Variants in ERLIN2 observed in about 807,000 individuals in gnomAD.
The protein encoded by ERLIN2 is ER lipid raft associated 2, also known as erlin-2.
A neutral mutation model predicts 41.5 loss-of-function variants in ERLIN2; 22 were observed. That is an observed-to-expected ratio of 0.53 (90% CI 0.38 to 0.76). The LOEUF (loss-of-function observed/expected upper bound fraction) is 0.76, where lower values mean the gene tolerates loss of function less well. Ranked by LOEUF, ERLIN2 falls within the 30% of genes least tolerant of loss-of-function variation. The probability of loss-of-function intolerance (pLI) is 0.00; values close to 1 mark genes in which losing one functional copy is unlikely to be tolerated. For synonymous variants in ERLIN2, 149 were observed against 150.9 expected (o/e 0.99, Z 0.09); for missense variants, 247 against 414.3 (o/e 0.60, Z 3.51).
intron 6 of ERLIN2, 137 bp from the exon 7 acceptor site, chr8:37,749,422 T>C: frequency 1.4e-6 from 1 of 724,274 alleles, no homozygotes; most frequent in Non-Finnish European, 2.5e-6. Context: ...TCTTTAGATT[T>C]GTGGGCTTTG....
At chr8:37,749,907 C>CTGGGATGGGACGAGGTGGGA in intron 8 of ERLIN2, 55 bp downstream of exon 8, 1 of 1,478,234 alleles carries the variant, frequency 6.8e-7, no homozygotes, top group Non-Finnish European at 9.5e-7. Context: ...CCTCCCACCT[C>CTGGGATGGGACGAGGTGGGA]GTCCCATCCC....
intron 11 of ERLIN2, 138 bp from the exon 12 acceptor site, chr8:37,753,777 G>A (rs149691871): frequency 2.4e-6 from 2 of 819,726 alleles, no homozygotes; most frequent in East Asian, 2.6e-5. Flanking sequence ...TGAGATGACT[G>A]TCTCTTACAG....
chr8:37,736,792 C>T (rs1053121024), intron 1 of ERLIN2, 114 bp downstream of exon 1: 39 of 985,858 alleles, frequency 4.0e-5, no homozygotes, highest in Non-Finnish European at 4.5e-5. Flanking sequence ...CCTCAGCCGG[C>T]CCGCTCCTGG....
At chr8:37,750,512 C>G in intron 9 of ERLIN2, 26 bp downstream of exon 9, 2 of 1,586,862 alleles carry the variant, frequency 1.3e-6, no homozygotes, top group Admixed American at 1.7e-5. Flanking sequence ...TGTGATCCCC[C>G]TTTCCAGGCA....
intron 6 of ERLIN2, chr8:37,747,732 C>T (rs750634654): frequency 6.3e-7 from 1 of 1,591,582 alleles, no homozygotes; most frequent in Admixed American, 1.7e-5. Flanking sequence ...TTGCACATTT[C>T]TTTCTGTACT....
At chr8:37,751,207 A>G (rs1227066360) in intron 9 of ERLIN2, among the ~76,000 whole-genome samples, 1 of 152,242 alleles carries the variant, frequency 6.6e-6, no homozygotes, top group Non-Finnish European at 1.5e-5. Context: ...CCAAGGGCAT[A>G]TGGCAAGTAA....
intron 8 of ERLIN2, 123 bp from the exon 9 acceptor site, chr8:37,750,272 A>G: frequency 1.3e-6 from 1 of 758,322 alleles, no homozygotes; most frequent in South Asian, 1.5e-5. Flanking sequence ...GCCATCGAAC[A>G]GCCTTCCAGG....
intron 4 of ERLIN2, 57 bp from the exon 5 acceptor site, chr8:37,744,298 G>T (rs1563313045): frequency 1.4e-6 from 2 of 1,396,152 alleles, no homozygotes; most frequent in African/African-American, 2.8e-5. Flanking sequence ...CACCCTGGGG[G>T]ACTGCACCAT....
At chr8:37,737,815 C>G in intron 1 of ERLIN2, 93 bp from the exon 2 acceptor site, 2 of 1,498,344 alleles carry the variant, frequency 1.3e-6, no homozygotes, top group Non-Finnish European at 1.8e-6. Flanking sequence ...ATGAGTCACT[C>G]GCAGGGAGCT....
Position 37,741,758 on chromosome 8 carries a change from T to C in ERLIN2, c.190-14T>C, listed in dbSNP as rs779600729. The C allele has an allele frequency of 6.2e-7, 1 of 1,609,628 alleles. No individual in the cohort carries two copies. On this transcript the variant is annotated splice_polypyrimidine_tract_variant and intron_variant, in intron 3 of 11. Transcript: ENST00000519638. This position sits in a 1 kb window ranked among gnomAD's most constrained non-coding sequence, Gnocchi z 4.8. ...TGCCCATCTTCTAGCACTTTATGTT[T>C]CCTCTGTTTCCAGACCACACTCCAG...
intron 9 of ERLIN2, among the ~76,000 whole-genome samples, chr8:37,751,361 G>A (rs951913963): frequency 2.0e-5 from 3 of 152,234 alleles, no homozygotes; most frequent in Admixed American, 2.0e-4. Context: ...CATTCTTACA[G>A]AATATTCCTT....
intron 1 of ERLIN2, chr8:37,737,232 C>T (rs923228852): frequency 6.4e-6 from 1 of 157,050 alleles, no homozygotes; most frequent in Non-Finnish European, 1.4e-5. Context: ...CATTGCCTTT[C>T]TCTCTGACCA....
At chr8:37,751,176 CAG>C (rs1449659696) in intron 9 of ERLIN2, among the ~76,000 whole-genome samples, 2 of 152,186 alleles carry the variant, frequency 1.3e-5, no homozygotes, top group East Asian at 1.9e-4. Flanking sequence ...AACCAAAGCA[CAG>C]AGGGGTAAAA....
At position 37,741,872 on chromosome 8, in the gene ERLIN2, T is replaced by G. The variant is rs112564516; in HGVS notation, c.236+54T>G. The G allele has an allele frequency of 3.2e-5, 45 of 1,412,418 alleles. No homozygotes were observed. In the Admixed American group the frequency reaches 7.0e-4, roughly 22 times the overall value. The allele number at this position is 1,412,418 out of a possible 1,614,324, so 87.5% of individuals were successfully genotyped here. A position where few individuals can be genotyped will look rare whatever the true frequency, so the allele number is the denominator to read the frequency against. On this transcript the variant is annotated intron_variant, in intron 4 of 11. Coordinates refer to ENST00000519638, the MANE Select transcript of ERLIN2 (RefSeq NM_007175.8). This position sits in a 1 kb window ranked among gnomAD's most constrained non-coding sequence, Gnocchi z 4.8. The stretch of plus-strand genomic sequence containing the variant: ...CCCAAATAAGTCAGAGAAAAGGCTG[T>G]CTGGCTGGTTGCAGGAAGAGACAGT...
chr8:37,738,095 T>C, intron 2 of ERLIN2, 66 bp downstream of exon 2: 1 of 1,581,754 alleles, frequency 6.3e-7, no homozygotes, highest in Non-Finnish European at 8.7e-7. Flanking sequence ...GGTCATTGCT[T>C]TCCTAGCAGA....
At chr8:37,743,965 C>T (rs1802946752) in intron 4 of ERLIN2, among the ~76,000 whole-genome samples, 1 of 152,166 alleles carries the variant, frequency 6.6e-6, no homozygotes, top group Admixed American at 6.5e-5. Flanking sequence ...ATAGTGAAGA[C>T]AGTTTAAGAA....
intron 2 of ERLIN2, 135 bp from the exon 3 acceptor site, chr8:37,740,230 T>C: frequency 1.4e-6 from 1 of 724,464 alleles, no homozygotes; most frequent in Non-Finnish European, 2.6e-6. Context: ...AAGGGATCTG[T>C]AGCCATGGCT....
intron 6 of ERLIN2, chr8:37,747,371 T>G (rs1444296404): frequency 6.9e-7 from 1 of 1,444,278 alleles, no homozygotes; most frequent in Non-Finnish European, 9.8e-7. Context: ...GTCCCCTTCA[T>G]TTTCACTTTC....
intron 6 of ERLIN2, 28 bp from the exon 7 acceptor site, chr8:37,749,531 C>T: frequency 6.4e-7 from 1 of 1,568,604 alleles, no homozygotes; most frequent in Non-Finnish European, 8.8e-7. Context: ...GTAACAACTC[C>T]TTTTTCTCCA....
Sources: allele counts gnomAD v4.1 joint callset (sites outside exome capture counted in the v4.1 genomes callset), GRCh38; gene constraint gnomAD v4.1.1; non-coding constraint Gnocchi (gnomAD v3.1); transcripts MANE v1.5; gene names NCBI Gene and HGNC (gene_info 2026-07-23, HGNC 2026-07-21).